Variants in EYS observed in about 807,000 individuals in gnomAD.
EYS encodes EGF-like photoreceptor maintenance factor.
In EYS, 250 loss-of-function variants were observed where a neutral mutation model predicts 282.1. The ratio of observed to expected loss-of-function variants is 0.89; its 90% CI spans 0.80 to 0.98. The LOEUF (loss-of-function observed/expected upper bound fraction) is 0.98. EYS is among the 50% of genes least tolerant of loss of function. The pLI, the probability that EYS is intolerant of heterozygous loss-of-function variation, is 0.00. For missense variants in EYS, 4,016 were observed against 3,709.0 expected (o/e 1.08, Z -2.15); for synonymous variants, 1,355 against 1,282.9 (o/e 1.06, Z -1.20).
intron 14 of EYS, among the ~76,000 whole-genome samples, chr6:64,967,039 A>C (rs1770117887): frequency 6.6e-6 from 1 of 152,200 alleles, no homozygotes; most frequent in Non-Finnish European, 1.5e-5. Flanking sequence ...TCTACTAATT[A>C]CATGAAATTA....
At chr6:64,699,249 T>G (rs79168519) in intron 22 of EYS, among the ~76,000 whole-genome samples, 9,675 of 152,128 alleles carry the variant, frequency 0.064, 367 homozygotes, top group East Asian at 0.15. Flanking sequence ...CACATGTTCT[T>G]TCTTACAAGT....
chr6:65,613,177 C>T (rs1766061968), intron 2 of EYS, among the ~76,000 whole-genome samples: 1 of 151,774 alleles, frequency 6.6e-6, no homozygotes, highest in Non-Finnish European at 1.5e-5. Context: ...TATAACAGTA[C>T]ATGCAAAATC....
chr6:64,383,826 T>A (rs933021790), intron 29 of EYS, among the ~76,000 whole-genome samples: 1 of 152,220 alleles, frequency 6.6e-6, no homozygotes, highest in African/African-American at 2.4e-5. Flanking sequence ...GTGTTTTAAT[T>A]TTTTCTAATT....
intron 23 of EYS, among the ~76,000 whole-genome samples, chr6:64,625,918 C>T (rs1327605706): frequency 2.6e-5 from 4 of 152,070 alleles, no homozygotes; most frequent in Non-Finnish European, 5.9e-5. Flanking sequence ...TGATGAAAGC[C>T]TAAGTGCTTG....
Position 65,493,782 on chromosome 6 carries a change from T to G in EYS, c.748+881A>C, listed in dbSNP as rs368940235. Among the ~76,000 whole-genome samples, 13 of 152,318 alleles carry G rather than the reference T, an allele frequency of 8.5e-5. 1 individual carries two copies. In the East Asian group the frequency reaches 2.5e-3, roughly 29 times the overall value. On this transcript the variant is annotated intron_variant, in intron 4 of 42. Coordinates refer to ENST00000503581, the MANE Select transcript of EYS (RefSeq NM_001142800.2). ...TTATTGAGCTTATTACAACCGTTAT[T>G]AATTATAACATCTTCTTTCCATCCT...
At chr6:63,761,535 G>A (rs1002493152) in intron 41 of EYS, among the ~76,000 whole-genome samples, 9 of 151,994 alleles carry the variant, frequency 5.9e-5, no homozygotes, top group Non-Finnish European at 8.8e-5. Context: ...ATTTGATAAA[G>A]TGATCTAGAA....
chr6:64,996,508 A>C (rs1456380100), intron 14 of EYS, among the ~76,000 whole-genome samples: 1 of 152,180 alleles, frequency 6.6e-6, no homozygotes, highest in Non-Finnish European at 1.5e-5. Flanking sequence ...TCACATGTCC[A>C]CTTCTAAAGG....
intron 19 of EYS, among the ~76,000 whole-genome samples, chr6:64,844,088 C>A (rs1318321894): frequency 6.6e-6 from 1 of 152,146 alleles, no homozygotes; most frequent in East Asian, 1.9e-4. Flanking sequence ...GATTCTGAGG[C>A]CTTCCCAACC....
intron 23 of EYS, among the ~76,000 whole-genome samples, chr6:64,621,981 T>C (rs1323617428): frequency 6.6e-6 from 1 of 152,124 alleles, no homozygotes; most frequent in Non-Finnish European, 1.5e-5. Context: ...AAAAACACAC[T>C]AAGTGTGTTT....
At chr6:64,000,931 C>T (rs1051838381) in intron 33 of EYS, among the ~76,000 whole-genome samples, 2 of 152,126 alleles carry the variant, frequency 1.3e-5, no homozygotes, top group Non-Finnish European at 2.9e-5. Context: ...GGTGCTCTTT[C>T]TCAGACAAGA....
chr6:65,147,421 T>C (rs537158710), intron 12 of EYS, among the ~76,000 whole-genome samples: 154 of 152,220 alleles, frequency 1.0e-3, no homozygotes, highest in African/African-American at 3.3e-3. Flanking sequence ...AAAATGTTGC[T>C]TATCAAGTTA....
At chr6:63,836,684 A>AT (rs1554179680) in intron 36 of EYS, among the ~76,000 whole-genome samples, 11 of 151,932 alleles carry the variant, frequency 7.2e-5, no homozygotes, top group African/African-American at 1.4e-4. Context: ...ATTAAAAAAA[A>AT]TTTTTTGGCA....
chr6:64,173,232 C>T (rs1359121575), intron 31 of EYS, among the ~76,000 whole-genome samples: 2 of 152,132 alleles, frequency 1.3e-5, no homozygotes, highest in Admixed American at 1.3e-4. Context: ...ATAATGCCTA[C>T]AACTATGTTT....
intron 4 of EYS, chr6:65,491,728 A>T (rs1766052041): frequency 3.4e-6 from 1 of 297,364 alleles, no homozygotes; most frequent in Non-Finnish European, 6.7e-6. Flanking sequence ...GAGTTTTATG[A>T]GCTAAATTGT....
chr6:64,844,537 C>G (rs960432992), intron 19 of EYS, among the ~76,000 whole-genome samples: 1 of 151,810 alleles, frequency 6.6e-6, no homozygotes, highest in Non-Finnish European at 1.5e-5. Context: ...CCATGGGTAA[C>G]ATCTTTCTTC....
chr6:65,425,472 A>G (rs1767624358), intron 5 of EYS, among the ~76,000 whole-genome samples: 1 of 152,094 alleles, frequency 6.6e-6, no homozygotes, highest in South Asian at 2.1e-4. Flanking sequence ...GATTGCAAAG[A>G]GGCTGAGTAG....
intron 2 of EYS, among the ~76,000 whole-genome samples, chr6:65,508,659 T>C (rs1230156876): frequency 1.1e-5 from 1 of 94,880 alleles, no homozygotes; most frequent in Non-Finnish European, 1.9e-5. Flanking sequence ...CAAGACTCCA[T>C]CTCAAAAAAA....
At position 64,569,667 on chromosome 6, in the gene EYS, G is replaced by A. The variant is rs187728867; in HGVS notation, c.5644+20556C>T. On this transcript the variant is annotated intron_variant, in intron 26 of 42. Coordinates refer to ENST00000503581, the MANE Select transcript of EYS (RefSeq NM_001142800.2). ...GAGGCAGGAGAATTGCGTGAACCCG[G>A]GAGGCGGAGCTTGCAGTGAGCAGAG... is the stretch of plus-strand genomic sequence containing the variant. Among the ~76,000 whole-genome samples, 319 of 152,160 alleles carry A rather than the reference G, an allele frequency of 2.1e-3. 1 individual carries two copies. Among genetic ancestry groups the A allele is most frequent in the Admixed American group, 4.0e-3 (61 of 15,290 alleles).
chr6:64,325,791 A>T (rs997809536), intron 29 of EYS, among the ~76,000 whole-genome samples: 1 of 152,194 alleles, frequency 6.6e-6, no homozygotes, highest in Non-Finnish European at 1.5e-5. Flanking sequence ...CAGCAATATA[A>T]TTGAACAAGT....
Sources: gnomAD v4.1 joint callset for allele counts (sites outside exome capture counted in the v4.1 genomes callset) on GRCh38, gnomAD v4.1.1 for gene constraint, MANE v1.5 for transcripts, NCBI Gene and HGNC (gene_info 2026-07-23, HGNC 2026-07-21) for gene names.